Variants in RYR2 observed in about 807,000 individuals in gnomAD.
RYR2 encodes the protein cardiac muscle ryanodine receptor-calcium release channel.
RYR2 carries 227 observed loss-of-function variants against 601.1 expected under a neutral mutation model. That is an observed-to-expected ratio of 0.38 (90% CI 0.34 to 0.42). The LOEUF (loss-of-function observed/expected upper bound fraction) is 0.42. RYR2 is among the 10% of genes least tolerant of loss of function. RYR2 has a pLI of 1.00. For synonymous variants in RYR2, 2,223 were observed against 2,175.1 expected, an observed-to-expected ratio of 1.02 and a Z score of -0.61; for missense variants, 4,646 against 6,156.5, an observed-to-expected ratio of 0.75 and a Z score of 8.21.
intron 2 of RYR2, among the ~76,000 whole-genome samples, chr1:237,296,154 CA>C (rs994255293): frequency 3.9e-5 from 6 of 152,022 alleles, no homozygotes; most frequent in Non-Finnish European, 5.9e-5. Context: ...GTGGACTGTT[CA>C]AAGACAGAAA....
intron 29 of RYR2, among the ~76,000 whole-genome samples, chr1:237,586,810 C>T (rs530397321): frequency 6.6e-5 from 10 of 152,154 alleles, no homozygotes; most frequent in Non-Finnish European, 1.2e-4. Context: ...ATGTCCACTT[C>T]CCAGGTTCAA....
intron 45 of RYR2, among the ~76,000 whole-genome samples, chr1:237,638,810 C>G (rs1344106900): frequency 2.0e-5 from 3 of 152,086 alleles, no homozygotes; most frequent in South Asian, 4.1e-4. Context: ...CTCCATAATG[C>G]TTTACTCTGA....
chr1:237,289,024 G>A (rs1691902980), intron 2 of RYR2, among the ~76,000 whole-genome samples: 1 of 152,136 alleles, frequency 6.6e-6, no homozygotes, highest in South Asian at 2.1e-4. Context: ...TCTCCAAATT[G>A]ACTCAGCTCC....
chr1:237,115,240 C>G (rs995533281), intron 1 of RYR2, among the ~76,000 whole-genome samples: 3 of 152,078 alleles, frequency 2.0e-5, no homozygotes, highest in Non-Finnish European at 4.4e-5. Flanking sequence ...AACCACACCC[C>G]CCCCCTTGCT....
chr1:237,358,926 A>G (rs1246277212), intron 4 of RYR2, among the ~76,000 whole-genome samples: 3 of 152,102 alleles, frequency 2.0e-5, no homozygotes, highest in African/African-American at 7.2e-5. Flanking sequence ...CTGGCCTCTA[A>G]TAATACACTG....
chr1:237,529,158 C>G (rs531782419), intron 24 of RYR2, among the ~76,000 whole-genome samples: 1 of 152,246 alleles, frequency 6.6e-6, no homozygotes, highest in African/African-American at 2.4e-5. Context: ...TTCCTGTCCT[C>G]TGGATAGTGT....
intron 71 of RYR2, 72 bp from the exon 72 acceptor site, chr1:237,717,126 A>T: frequency 7.4e-7 from 1 of 1,353,596 alleles, no homozygotes; most frequent in Admixed American, 2.0e-5. Flanking sequence ...GTGACAAGTT[A>T]GGGAAGAGTC....
At chr1:237,786,797 G>C (rs559084575) in intron 91 of RYR2, among the ~76,000 whole-genome samples, 94 of 152,300 alleles carry the variant, frequency 6.2e-4, no homozygotes, top group Non-Finnish European at 1.0e-3. Context: ...TTCTCCCATA[G>C]CATTGAAATT....
chr1:237,441,406 C>T lies in RYR2; in HGVS notation c.1093C>T (p.His365Tyr). The T allele has an allele frequency of 6.2e-7, 1 of 1,613,016 alleles. No homozygotes were observed. Residue 365 changes from histidine (H) to tyrosine (Y), a missense_variant, in exon 13 of 105, where the codon CAT (histidine) becomes TAT (tyrosine). Around this residue, in one of 17 missense-constraint regions of RYR2, gnomAD observed 1,807 missense variants for 2,088.1 expected, o/e 0.87. Transcript: ENST00000366574. ...CGGTGACTCAGTATGCTATATACAA[C>T]ATGTAGACACAGGCCTATGGCTTAC... ...KYGDSVCYIQ[H>Y]VDTGLWLTYQ...
At chr1:237,761,104 C>A in intron 84 of RYR2, 76 bp downstream of exon 84, 1 of 821,204 alleles carries the variant, frequency 1.2e-6, no homozygotes, top group Non-Finnish European at 2.0e-6. Flanking sequence ...AATTACCTTT[C>A]AAGTAGAGAG....
intron 1 of RYR2, among the ~76,000 whole-genome samples, chr1:237,135,477 C>T (rs1475191524): frequency 6.6e-6 from 1 of 151,550 alleles, no homozygotes; most frequent in Non-Finnish European, 1.5e-5. Flanking sequence ...TCACGCCATT[C>T]TCCTGCCTCA....
chr1:237,700,409 A>G lies in RYR2; in HGVS notation c.9309A>G (p.Pro3103=). The part of the protein sequence containing the change: ...IINYTTVALL[P]MLSSLFEHIG... ...ATTACACCACAGTGGCCCTGCTGCC[A>G]ATGCTGTCTTCATTATTTGAACATA... is the stretch of plus-strand genomic sequence containing the variant. Residue 3103 remains proline, a synonymous_variant, in exon 65 of 105, where the codon CCA becomes CCG. Transcript: ENST00000366574. The G allele has an allele frequency of 6.2e-7, 1 of 1,610,346 alleles. No homozygotes were observed. The highest frequency in any genetic ancestry group is 1.7e-5 in the Admixed American group (1 of 59,608).
intron 17 of RYR2, among the ~76,000 whole-genome samples, chr1:237,473,474 T>TTTCTTTCTTC (rs1553464743): frequency 1.3e-5 from 2 of 150,392 alleles, no homozygotes; most frequent in Non-Finnish European, 3.0e-5. Flanking sequence ...TCTATCTATC[T>TTTCTTTCTTC]ATCTGGCATA....
chr1:237,284,683 T>TACACACAC (rs71180018), intron 2 of RYR2, among the ~76,000 whole-genome samples: 45 of 143,508 alleles, frequency 3.1e-4, no homozygotes, highest in Non-Finnish European at 3.8e-4. Flanking sequence ...TATATATATG[T>TACACACAC]ACACACACAC....
intron 58 of RYR2, among the ~76,000 whole-genome samples, chr1:237,669,701 C>T (rs1333687370): frequency 6.6e-6 from 1 of 151,642 alleles, no homozygotes; most frequent in Non-Finnish European, 1.5e-5. Context: ...GGCGGCCGGG[C>T]AGAGACGCTC....
intron 8 of RYR2, among the ~76,000 whole-genome samples, chr1:237,379,933 T>G (rs192268859): frequency 2.0e-5 from 3 of 152,172 alleles, no homozygotes; most frequent in Admixed American, 6.5e-5. Flanking sequence ...ACCTAGCATA[T>G]AGCAGAAACA....
chr1:237,449,959 G>A (rs1657887338), intron 14 of RYR2, among the ~76,000 whole-genome samples: 4 of 151,990 alleles, frequency 2.6e-5, no homozygotes, highest in Admixed American at 2.6e-4. Flanking sequence ...GATTTGTTTG[G>A]ATCTTGCCTT....
chr1:237,791,874 A>G (rs1658414354), intron 93 of RYR2: 1 of 585,694 alleles, frequency 1.7e-6, no homozygotes, highest in Non-Finnish European at 3.0e-6. Context: ...TTTAGCATGC[A>G]TTGGAATCCT....
At chr1:237,176,705 T>C (rs1417089206) in intron 1 of RYR2, among the ~76,000 whole-genome samples, 1 of 152,210 alleles carries the variant, frequency 6.6e-6, no homozygotes, top group Non-Finnish European at 1.5e-5. Context: ...AACTACATGT[T>C]CTTTAAAGAA....
Sources: allele counts gnomAD v4.1 joint callset (sites outside exome capture counted in the v4.1 genomes callset), GRCh38; gene constraint gnomAD v4.1.1; regional missense constraint gnomAD v4.1.1; transcripts MANE v1.5; gene names NCBI Gene and HGNC (gene_info 2026-07-23, HGNC 2026-07-21).